Variants in PITPNM3 observed in about 807,000 individuals in gnomAD.
The protein encoded by PITPNM3 is PITPNM family member 3.
In PITPNM3, 26 loss-of-function variants were observed where a neutral mutation model predicts 102.0. That is an observed-to-expected ratio of 0.25 (90% CI 0.19 to 0.35). The LOEUF (loss-of-function observed/expected upper bound fraction) is 0.35, where lower values mean the gene tolerates loss of function less well. Among genes scored for constraint, PITPNM3 ranks in the 10% least tolerant of loss-of-function variants. The probability of loss-of-function intolerance (pLI) is 1.00; values close to 1 mark genes in which losing one functional copy is unlikely to be tolerated. For missense variants in PITPNM3, 1,083 were observed against 1,346.1 expected (o/e 0.80, Z 3.06); for synonymous variants, 578 against 558.6 (o/e 1.03, Z -0.49).
intron 1 of PITPNM3, among the ~76,000 whole-genome samples, chr17:6,539,819 C>A (rs1465076417): frequency 1.3e-5 from 2 of 152,156 alleles, no homozygotes; most frequent in African/African-American, 4.8e-5. Context: ...CAGTCTTTTC[C>A]GTTCCTAAGA....
chr17:6,538,328 C>T (rs1909557521), intron 1 of PITPNM3, among the ~76,000 whole-genome samples: 1 of 151,844 alleles, frequency 6.6e-6, no homozygotes, highest in Non-Finnish European at 1.5e-5. Flanking sequence ...AACACTGAGG[C>T]TGGTGGTAGT....
At position 6,513,063 on chromosome 17, in the gene PITPNM3, A is replaced by G. The variant is rs560003564; in HGVS notation, c.227-9489T>C. ...AAAAACCACATGAACATCTCAATAC[A>G]TGTCTGCAAAAAAAAAAAAAATCCT... is the stretch of plus-strand genomic sequence containing the variant. On this transcript the variant is annotated intron_variant, in intron 3 of 19. Transcript: ENST00000262483. Among the ~76,000 whole-genome samples, 7 of 147,840 alleles carry G rather than the reference A, an allele frequency of 4.7e-5. No individual in the cohort carries two copies. In the South Asian group the frequency reaches 1.5e-3, roughly 31 times the overall value.
At chr17:6,471,124 C>T (rs1265353524) in intron 12 of PITPNM3, 37 bp downstream of exon 12, 3 of 1,608,890 alleles carry the variant, frequency 1.9e-6, no homozygotes, top group Non-Finnish European at 2.5e-6. Flanking sequence ...TTCCCCTCCC[C>T]CGAATCCAGG....
intron 3 of PITPNM3, among the ~76,000 whole-genome samples, chr17:6,525,028 C>A (rs902678427): frequency 6.6e-6 from 1 of 152,144 alleles, no homozygotes; most frequent in African/African-American, 2.4e-5. Flanking sequence ...CCTCCTTATT[C>A]AGCAGATTCC....
rs1449832338 is a variant in PITPNM3, at chr17:6,537,432, T to C, written c.118+555A>G. 6.6e-6 allele frequency among the ~76,000 whole-genome samples: 1 copy of C among 151,900 alleles called. No individual in the cohort carries two copies. The highest frequency in any genetic ancestry group is 2.4e-5 in the African/African-American group (1 of 41,358). On this transcript the variant is annotated intron_variant, in intron 2 of 19. Transcript: ENST00000262483. This position sits in a 1 kb window ranked among gnomAD's most constrained non-coding sequence, Gnocchi z 4.4. ...TAATGTTTTGTATTTTTAGTAGAGA[T>C]GGGGTTTCACAGGACCACCTGTTAA...
chr17:6,556,391 G>A lies in PITPNM3; in HGVS notation c.16C>T (p.Arg6Cys), dbSNP rs1471395517. MAKAG[R>C]AGGPPPGGGA... The stretch of plus-strand genomic sequence containing the variant: ...TCCCCGCGCCCGCCCTCACCTGCAC[G>A]GCCCGCCTTGGCCATGTCCCGGGCG... The change falls in exon 1 of 20, where the codon CGT becomes TGT. Residue 6 changes from arginine to cysteine, a missense_variant. Physicochemically the swap from Arg to Cys is radical, Grantham distance 180 (BLOSUM62 -3). This residue lies in a region of PITPNM3 where 290 missense variants were observed against 337.8 expected (regional missense o/e 0.86). Coordinates refer to ENST00000262483, the MANE Select transcript of PITPNM3 (RefSeq NM_031220.4). This position sits in a 1 kb window ranked among gnomAD's most constrained non-coding sequence, Gnocchi z 5.2. 3.2e-5 allele frequency: 43 copies of A among 1,335,580 alleles called. No individual in the cohort carries two copies. Among genetic ancestry groups the A allele is most frequent in the Admixed American group, 1.5e-4 (5 of 33,718 alleles). The allele number at this position is 1,335,580 out of a possible 1,614,324, so 82.7% of individuals were successfully genotyped here. A position where few individuals can be genotyped will look rare whatever the true frequency, so the allele number is the denominator to read the frequency against.
At position 6,455,362 on chromosome 17, in the gene PITPNM3, G is replaced by T. The variant is rs745462600; in HGVS notation, c.2901C>A (p.Pro967=). 3.2e-6 allele frequency: 5 copies of T among 1,583,848 alleles called. No homozygotes were observed. The South Asian group carries it at 5.8e-5, about 18-fold the overall frequency. Residue 967 remains proline (P), a synonymous_variant, in exon 20 of 20, where the codon CCC becomes CCA. Coordinates refer to ENST00000262483, the MANE Select transcript of PITPNM3 (RefSeq NM_031220.4). ...PLPALSWARG[P]PKFESVP ...CTCAGGGCACCGACTCGAACTTGGG[G>T]GGCCCACGCGCCCAGCTGAGCGCCG...
chr17:6,554,910 T>G (rs1910518729), intron 1 of PITPNM3, among the ~76,000 whole-genome samples: 1 of 152,200 alleles, frequency 6.6e-6, no homozygotes, highest in Non-Finnish European at 1.5e-5. Context: ...GCAGCAAATG[T>G]TCACTGCCGT....
At chr17:6,529,339 A>G (rs936506764) in intron 2 of PITPNM3, among the ~76,000 whole-genome samples, 3 of 152,194 alleles carry the variant, frequency 2.0e-5, no homozygotes, top group Non-Finnish European at 4.4e-5. Context: ...TCACACCTGT[A>G]ATCCCAGCAC....
At chr17:6,507,250 C>A (rs1287972612) in intron 3 of PITPNM3, among the ~76,000 whole-genome samples, 2 of 152,086 alleles carry the variant, frequency 1.3e-5, no homozygotes, top group Non-Finnish European at 2.9e-5. Flanking sequence ...CCACCAAGTA[C>A]CCCCACACAT....
In PITPNM3 at chr17:6,468,449, ACCCCC is replaced by A; in HGVS notation, c.1774-113_1774-109del. On this transcript the variant is annotated intron_variant, in intron 13 of 19. Coordinates refer to ENST00000262483, the MANE Select transcript of PITPNM3 (RefSeq NM_031220.4). The surrounding 1 kb of genome is among the most constrained non-coding windows in gnomAD (Gnocchi z 5.2). Reference sequence around the variant, plus strand: ...TGGCCAGCTGGGCCCTGCCCCTGCAACCCCCCAACCTCACAGCCTGGAACCGTCAG... The same window carrying A: ...TGGCCAGCTGGGCCCTGCCCCTGCAACAACCTCACAGCCTGGAACCGTCAG... 1 of 1,087,872 alleles carries A rather than the reference ACCCCC, an allele frequency of 9.2e-7. No individual in the cohort carries two copies. Among genetic ancestry groups the A allele is most frequent in the Non-Finnish European group, 1.4e-6 (1 of 710,086 alleles). 67.4% of individuals were successfully genotyped at this position (1,087,872 alleles called of 1,614,324 possible). A position where few individuals can be genotyped will look rare whatever the true frequency, so the allele number is the denominator to read the frequency against.
At chr17:6,536,501 C>G (rs1909437774) in intron 2 of PITPNM3, among the ~76,000 whole-genome samples, 1 of 152,178 alleles carries the variant, frequency 6.6e-6, no homozygotes, top group Non-Finnish European at 1.5e-5. Flanking sequence ...CCCAAATGGG[C>G]TGGTTTAGGG....
rs1327623037 is a variant in PITPNM3 at position 6,474,320 on chromosome 17, C to T, written c.1258+112G>A. On this transcript the variant is annotated intron_variant, in intron 10 of 19. Transcript: ENST00000262483. ...TCCTCTCTTTCCACCTATCCCAACT[C>T]TGTGACCCTCCCTGCCCCTGTCCCC... The T allele has an allele frequency of 7.8e-6, 11 of 1,409,716 alleles. No individual in the cohort carries two copies. In the East Asian group the frequency reaches 2.7e-4, roughly 34 times the overall value. The allele number at this position is 1,409,716 out of a possible 1,614,324, so 87.3% of individuals were successfully genotyped here. A position where few individuals can be genotyped will look rare whatever the true frequency, so the allele number is the denominator to read the frequency against.
Position 6,470,698 on chromosome 17 carries a change from G to C in PITPNM3, c.1625-290C>G, listed in dbSNP as rs1231679565. ...CACCCAGGGCCGCCGCTCAGTGGCA[G>C]TTCCCAGTGGGCTCTGCCTGAAGTT... On this transcript the variant is annotated intron_variant, in intron 12 of 19. Transcript: ENST00000262483. This position sits in a 1 kb window ranked among gnomAD's most constrained non-coding sequence, Gnocchi z 4.8. Among the ~76,000 whole-genome samples, 1 of 152,202 alleles carries C rather than the reference G, an allele frequency of 6.6e-6. No individual in the cohort carries two copies. Among genetic ancestry groups the C allele is most frequent in the Non-Finnish European group, 1.5e-5 (1 of 68,042 alleles).
Position 6,478,222 on chromosome 17 carries a change from A to G in PITPNM3, c.778-125T>C. The G allele has an allele frequency of 6.7e-7, 1 of 1,492,252 alleles. No homozygotes were observed. Among genetic ancestry groups the G allele is most frequent in the Non-Finnish European group, 9.1e-7 (1 of 1,102,834 alleles). The allele number at this position is 1,492,252 out of a possible 1,614,324, so 92.4% of individuals were successfully genotyped here. A position where few individuals can be genotyped will look rare whatever the true frequency, so the allele number is the denominator to read the frequency against. Reference sequence around the variant, plus strand: ...ACTCGTCCTTGGGAGGTGTTGAGAGAGCCCAACTGGGAAGCAGTGTGCAAA... The same window carrying G: ...ACTCGTCCTTGGGAGGTGTTGAGAGGGCCCAACTGGGAAGCAGTGTGCAAA... On this transcript the variant is annotated intron_variant, in intron 7 of 19. Transcript: ENST00000262483. The surrounding 1 kb of genome is among the most constrained non-coding windows in gnomAD (Gnocchi z 4.4).
intron 1 of PITPNM3, among the ~76,000 whole-genome samples, chr17:6,548,578 C>T (rs1181834022): frequency 6.6e-6 from 1 of 152,022 alleles, no homozygotes; most frequent in African/African-American, 2.4e-5. Flanking sequence ...TCTGGATCAA[C>T]CCAGAACAAT....
At chr17:6,502,933 A>G (rs1907272532) in intron 4 of PITPNM3, among the ~76,000 whole-genome samples, 1 of 152,158 alleles carries the variant, frequency 6.6e-6, no homozygotes, top group Admixed American at 6.5e-5. Flanking sequence ...AGGGGGAAGG[A>G]AACCTGGAGA....
intron 19 of PITPNM3, 89 bp from the exon 20 acceptor site, chr17:6,455,732 G>GGAGAT (rs1914081328): frequency 8.7e-6 from 1 of 114,830 alleles, no homozygotes; most frequent in African/African-American, 3.3e-5. Context: ...GGGGAGGGGA[G>GGAGAT]GGGAGGGGAG....
Position 6,478,443 on chromosome 17 carries a change from T to TC in PITPNM3, c.777+103_777+104insG. On this transcript the variant is annotated intron_variant, in intron 7 of 19. Coordinates refer to ENST00000262483, the MANE Select transcript of PITPNM3 (RefSeq NM_031220.4). This position sits in a 1 kb window ranked among gnomAD's most constrained non-coding sequence, Gnocchi z 4.4. The stretch of plus-strand genomic sequence containing the variant: ...AGCCACCTTTGGGCTCAGAGGCTGA[T>TC]TCGAGAACAGCCTGGCCTTGGCCCT... 1 of 1,434,676 alleles carries TC rather than the reference T, an allele frequency of 7.0e-7. No homozygotes were observed. Among genetic ancestry groups the TC allele is most frequent in the Non-Finnish European group, 9.6e-7 (1 of 1,036,902 alleles). The allele number at this position is 1,434,676 out of a possible 1,614,324, so 88.9% of individuals were successfully genotyped here.
Sources: allele counts gnomAD v4.1 joint callset (sites outside exome capture counted in the v4.1 genomes callset), GRCh38; gene constraint gnomAD v4.1.1; regional missense constraint gnomAD v4.1.1; non-coding constraint Gnocchi (gnomAD v3.1); transcripts MANE v1.5; gene names NCBI Gene and HGNC (gene_info 2026-07-23, HGNC 2026-07-21).